Variants in RRP8 observed in about 807,000 individuals in gnomAD.
RRP8 encodes the protein ribosomal RNA-processing protein 8.
RRP8 carries 48 observed loss-of-function variants against 45.0 expected under a neutral mutation model. The observed-to-expected ratio is 1.07, with a 90% CI of 0.85 to 1.36. RRP8 has a LOEUF of 1.36. RRP8 is among the 40% of genes most tolerant of loss of function. RRP8 has a pLI of 0.00. For synonymous variants in RRP8, 274 were observed against 212.4 expected (o/e 1.29, Z -2.52); for missense variants, 658 against 573.7 (o/e 1.15, Z -1.50).
Position 6,603,611 on chromosome 11 carries a change from C to A in RRP8, c.-109G>T. 1.5e-6 allele frequency: 1 copy of A among 646,894 alleles called. No individual in the cohort carries two copies. Among genetic ancestry groups the A allele is most frequent in the East Asian group, 3.2e-5 (1 of 31,276 alleles). 40.1% of individuals were successfully genotyped at this position (646,894 alleles called of 1,614,324 possible). The stretch of plus-strand genomic sequence containing the variant: ...GCCAGAACCGACCCGGAAACCAAAG[C>A]GTGACAGCCAGGGGTTGCTAGAGCG... On this transcript the variant is annotated 5_prime_UTR_variant, in exon 1 of 7. Transcript: ENST00000254605.
At chr11:6,602,816 A>C (rs552077138) in intron 1 of RRP8, among the ~76,000 whole-genome samples, 76 of 152,268 alleles carry the variant, frequency 5.0e-4, no homozygotes, top group Middle Eastern at 6.8e-3. Context: ...GGCTCAAAGG[A>C]GAAGATGTAT....
rs1456498620 is a variant in RRP8, at chr11:6,602,235, G to A, written c.100-20C>T. ...GGAGCCCTGGAGGAAAACAGGGGAT[G>A]ACAGTGGGCCTAAAGAGAATGGATG... On this transcript the variant is annotated intron_variant, in intron 1 of 6. Transcript: ENST00000254605. 3 of 1,531,674 alleles carry A rather than the reference G, an allele frequency of 2.0e-6. No homozygotes were observed. The highest frequency in any genetic ancestry group is 2.6e-6 in the Non-Finnish European group (3 of 1,146,090). 94.9% of individuals were successfully genotyped at this position (1,531,674 alleles called of 1,614,324 possible).
At position 6,599,054 on chromosome 11, in the gene RRP8, C is replaced by G. The variant is rs768102973; in HGVS notation, c.*1092G>C. Reference sequence around the variant, plus strand: ...ATGGCATCAACAAGTTGTTTATGAACAGAGACCCAGCTCCCTCACTACCCC... The same window carrying G: ...ATGGCATCAACAAGTTGTTTATGAAGAGAGACCCAGCTCCCTCACTACCCC... On this transcript the variant is annotated 3_prime_UTR_variant, in exon 7 of 7. Transcript: ENST00000254605. 2.0e-5 allele frequency: 3 copies of G among 152,358 alleles called. No individual in the cohort carries two copies. Among genetic ancestry groups the G allele is most frequent in the African/African-American group, 7.2e-5 (3 of 41,438 alleles). The allele number at this position is 152,358 out of a possible 1,614,324, so 9.4% of individuals were successfully genotyped here. A position where few individuals can be genotyped will look rare whatever the true frequency, so the allele number is the denominator to read the frequency against.
In RRP8 at chr11:6,602,024, T is replaced by G; in HGVS notation, c.291A>C (p.Gln97His). The change falls in exon 2 of 7, where the codon CAA (glutamine) becomes CAC (histidine). Residue 97 changes from glutamine (Q) to histidine (H), a missense_variant. Physicochemically the swap from Gln to His is conservative, Grantham distance 24 (BLOSUM62 0). Coordinates refer to ENST00000254605, the MANE Select transcript of RRP8 (RefSeq NM_015324.4). ...EVGKKGKKKC[Q>H]KQGPPCSDSE... ...AGTCACTGCAAGGTGGGCCCTGTTT[T>G]TGACATTTCTTCTTCCCTTTCTTCC... 1 of 1,614,210 alleles carries G rather than the reference T, an allele frequency of 6.2e-7. No homozygotes were observed. Among genetic ancestry groups the G allele is most frequent in the East Asian group, 2.2e-5 (1 of 44,886 alleles).
rs1245397394 is a variant in RRP8, at chr11:6,601,526, AG to A, written c.539del (p.Pro180LeufsTer4). 6.2e-7 allele frequency: 1 copy of A among 1,609,934 alleles called. No homozygotes were observed. The highest frequency in any genetic ancestry group is 8.5e-7 in the Non-Finnish European group (1 of 1,179,972). Reference sequence around the variant, plus strand: ...GCCACTGCTTGCGGCTTAATGTATGAGGGGGTTTAGGGGAAGTGGACCCAGG... The same window carrying A: ...GCCACTGCTTGCGGCTTAATGTATGAGGGGTTTAGGGGAAGTGGACCCAGG... ...QSPGSTSPKP[P>X]HTLSRKQWRN... On this transcript the variant is annotated frameshift_variant, in exon 3 of 7. Transcript: ENST00000254605. LOFTEE classifies it high-confidence loss of function.
Position 6,602,145 on chromosome 11 carries a change from G to A in RRP8, c.170C>T (p.Pro57Leu), listed in dbSNP as rs1261294757. Residue 57 changes from proline to leucine, a missense_variant, in exon 2 of 7, where the codon CCC (proline) becomes CTC (leucine). Physicochemically the swap from Pro to Leu is moderately conservative, Grantham distance 98. Coordinates refer to ENST00000254605, the MANE Select transcript of RRP8 (RefSeq NM_015324.4). The stretch of plus-strand genomic sequence containing the variant: ...CTCAGAGTCACTTATACATAGGCTG[G>A]GGGGATGCTGGGAAAGAGATGCTGC... ...LEAASLSQHP[P>L]SLCISDSEEE... is the part of the protein sequence containing the mutation. The A allele has an allele frequency of 6.2e-7, 1 of 1,605,650 alleles. No homozygotes were observed. Among genetic ancestry groups the A allele is most frequent in the Non-Finnish European group, 8.5e-7 (1 of 1,174,736 alleles).
chr11:6,603,317 C>A, intron 1 of RRP8, 87 bp downstream of exon 1: 1 of 954,310 alleles, frequency 1.0e-6, no homozygotes, highest in Non-Finnish European at 1.6e-6. Flanking sequence ...CACAGGTGTC[C>A]CTCCCCGCAA....
intron 6 of RRP8, 64 bp from the exon 7 acceptor site, chr11:6,600,329 C>G: frequency 7.6e-7 from 1 of 1,321,658 alleles, no homozygotes. Context: ...ACACCTCCCT[C>G]TATGTACTGC....
At chr11:6,603,105 T>C (rs955383309) in intron 1 of RRP8, among the ~76,000 whole-genome samples, 2 of 152,224 alleles carry the variant, frequency 1.3e-5, no homozygotes, top group Non-Finnish European at 2.9e-5. Flanking sequence ...TCATTTACTA[T>C]GTATTTCAAC....
chr11:6,600,947 G>C lies in RRP8; in HGVS notation c.1026C>G (p.Val342=). ...CFDLASLDPR[V]TVCDMAQVPL... is the part of the protein sequence containing the mutation. ...TTACCTGGGCCATGTCACACACAGTGACCCTAGGGTCCAGAGAAGCCAAGT... is the reference window on the plus strand; with the variant it reads ...TTACCTGGGCCATGTCACACACAGTCACCCTAGGGTCCAGAGAAGCCAAGT... Residue 342 remains valine (V), a synonymous_variant, in exon 4 of 7, where the codon GTC becomes GTG. Transcript: ENST00000254605. 6.2e-7 allele frequency: 1 copy of C among 1,614,114 alleles called. No individual in the cohort carries two copies. The highest frequency in any genetic ancestry group is 1.1e-5 in the South Asian group (1 of 91,058).
intron 1 of RRP8, among the ~76,000 whole-genome samples, chr11:6,602,909 C>T (rs961669533): frequency 3.9e-5 from 6 of 152,150 alleles, no homozygotes; most frequent in Admixed American, 6.5e-5. Context: ...TTTCCCACAC[C>T]CTCCTTTGAA....
chr11:6,602,278 A>AG, intron 1 of RRP8, 63 bp from the exon 2 acceptor site: 1 of 1,488,120 alleles, frequency 6.7e-7, no homozygotes, highest in Non-Finnish European at 8.9e-7. Context: ...GAGAACAAGA[A>AG]GGGAGAGATG....
chr11:6,601,884 G>T lies in RRP8; in HGVS notation c.431C>A (p.Ser144Ter). The T allele has an allele frequency of 6.2e-7, 1 of 1,613,708 alleles. No individual in the cohort carries two copies. The highest frequency in any genetic ancestry group is 1.1e-5 in the South Asian group (1 of 91,042). Reference sequence around the variant, plus strand: ...GTCAACATTGTCCAGGTGCTGGGCTGAATTTATAGGGGCATGTTTCTGGCA... The same window carrying T: ...GTCAACATTGTCCAGGTGCTGGGCTTAATTTATAGGGGCATGTTTCTGGCA... ...RKCQKHAPIN[S>*]AQHLDNVDQT... Residue 144 changes from serine to a stop codon, truncating the protein, a stop_gained, in exon 2 of 7, where the codon TCA becomes TAA. Coordinates refer to ENST00000254605, the MANE Select transcript of RRP8 (RefSeq NM_015324.4). LOFTEE classifies it high-confidence loss of function.
Position 6,600,218 on chromosome 11 carries a change from C to T in RRP8, c.1299G>A (p.Gly433=), listed in dbSNP as rs1472244975. 2 of 1,605,916 alleles carry T rather than the reference C, an allele frequency of 1.2e-6. No individual in the cohort carries two copies. Reference sequence around the variant, plus strand: ...GAGCCTTGGGCCCTACCAGAGGGGGCCCAGTCTTTTGGAAATCAAACAAGA... The same window carrying T: ...GAGCCTTGGGCCCTACCAGAGGGGGTCCAGTCTTTTGGAAATCAAACAAGA... The part of the protein sequence containing the change: ...HFFLFDFQKT[G]PPLVGPKAQL... Residue 433 remains glycine (G), a synonymous_variant, in exon 7 of 7, where the codon GGG becomes GGA. Transcript: ENST00000254605.
chr11:6,603,275 A>G, intron 1 of RRP8, 129 bp downstream of exon 1: 1 of 639,194 alleles, frequency 1.6e-6, no homozygotes, highest in Non-Finnish European at 2.7e-6. Context: ...AAGTTCTCGG[A>G]TCTTCAGATC....
At position 6,603,571 on chromosome 11, in the gene RRP8, G is replaced by T. The variant is rs1015103552; in HGVS notation, c.-69C>A. ...CGTGCACAGCGCTCCTCTGGAAGTC[G>T]GAGCGCTCAGACCTGCCAGAACCGA... On this transcript the variant is annotated 5_prime_UTR_variant, in exon 1 of 7. Coordinates refer to ENST00000254605, the MANE Select transcript of RRP8 (RefSeq NM_015324.4). The T allele has an allele frequency of 4.2e-5, 46 of 1,086,904 alleles. No individual in the cohort carries two copies. The highest frequency in any genetic ancestry group is 5.4e-5 in the Non-Finnish European group (41 of 761,938). The allele number at this position is 1,086,904 out of a possible 1,614,324, so 67.3% of individuals were successfully genotyped here.
chr11:6,601,052 A>C lies in RRP8; in HGVS notation c.921T>G (p.Pro307=), dbSNP rs1854340232. ...DRIARDLRQR[P]ASLVVADFGC... ...CGAAGTCAGCCACCACTAGGGATGC[A>C]GGCCTGAGAGTGGAAGGCAAGGGTC... The change falls in exon 4 of 7, where the codon CCT becomes CCG. Residue 307 remains proline, a synonymous_variant. Coordinates refer to ENST00000254605, the MANE Select transcript of RRP8 (RefSeq NM_015324.4). 3.7e-6 allele frequency: 6 copies of C among 1,614,216 alleles called. No individual in the cohort carries two copies. The Admixed American group carries it at 5.0e-5, about 13-fold the overall frequency.
In RRP8 at chr11:6,602,010, G is replaced by C; in HGVS notation, c.305C>G (p.Pro102Arg). ...GKKKCQKQGP[P>R]CSDSEEEVER... ...TACTTCTTCCTCAGAGTCACTGCAA[G>C]GTGGGCCCTGTTTTTGACATTTCTT... Residue 102 changes from proline (P) to arginine (R), a missense_variant, in exon 2 of 7, where the codon CCT (proline) becomes CGT (arginine). Transcript: ENST00000254605. The C allele has an allele frequency of 6.2e-7, 1 of 1,614,124 alleles. No homozygotes were observed.
chr11:6,596,698 T>C lies in RRP8; in HGVS notation c.*3448A>G, dbSNP rs1426267164. ...CTAATTACTGGTCTCTGTGAAAAGC[T>C]GTAGAGAGTTTTGTGCAGTTACATA... On this transcript the variant is annotated 3_prime_UTR_variant, in exon 7 of 7. Transcript: ENST00000254605. 1 of 152,192 alleles carries C rather than the reference T, an allele frequency of 6.6e-6. No individual in the cohort carries two copies. The highest frequency in any genetic ancestry group is 1.5e-5 in the Non-Finnish European group (1 of 68,034). 9.4% of individuals were successfully genotyped at this position (152,192 alleles called of 1,614,324 possible).
Sources: allele counts gnomAD v4.1 joint callset (sites outside exome capture counted in the v4.1 genomes callset), GRCh38; gene constraint gnomAD v4.1.1; transcripts MANE v1.5; gene names NCBI Gene and HGNC (gene_info 2026-07-23, HGNC 2026-07-21).